PRKG2: variants seen among roughly 807,000 people sequenced by gnomAD.
PRKG2 encodes the protein cGMP-dependent protein kinase 2.
Under a neutral mutation model 97.2 loss-of-function variants are expected in PRKG2, and 33 were observed. The ratio of observed to expected loss-of-function variants is 0.34; its 90% confidence interval spans 0.26 to 0.45. PRKG2 has a LOEUF of 0.45. PRKG2 is among the 20% of genes least tolerant of loss of function. The pLI, the probability that PRKG2 is intolerant of heterozygous loss-of-function variation, is 1.00. For synonymous variants in PRKG2, 330 were observed against 321.8 expected (o/e 1.03, Z -0.27); for missense variants, 638 against 900.0 (o/e 0.71, Z 3.73).
intron 5 of PRKG2, among the ~76,000 whole-genome samples, chr4:81,168,775 T>C (rs1750210604): frequency 6.6e-6 from 1 of 152,106 alleles, no homozygotes; most frequent in Non-Finnish European, 1.5e-5. Context: ...CAATGTTTAT[T>C]GAGCCTACAC....
rs1299323826 is a variant in PRKG2 at position 81,088,951 on chromosome 4, C to T, written c.*757G>A. ...AATATTTTAGCATCATTTAACCACA[C>T]ATTGTAACTATCTTTAACAAGGACT... On this transcript the variant is annotated 3_prime_UTR_variant, in exon 19 of 19. Transcript: ENST00000264399. 1 of 152,206 alleles carries T rather than the reference C, an allele frequency of 6.6e-6. No homozygotes were observed. The highest frequency in any genetic ancestry group is 1.9e-4 in the East Asian group (1 of 5,202). 9.4% of individuals were successfully genotyped at this position (152,206 alleles called of 1,614,324 possible).
At chr4:81,185,871 AAAG>A (rs1751838341) in intron 2 of PRKG2, among the ~76,000 whole-genome samples, 1 of 152,232 alleles carries the variant, frequency 6.6e-6, no homozygotes, top group Non-Finnish European at 1.5e-5. Flanking sequence ...CAAAAAAGAC[AAAG>A]AAGAGCATTA....
At chr4:81,136,847 T>C (rs1406786452) in intron 13 of PRKG2, among the ~76,000 whole-genome samples, 1 of 152,246 alleles carries the variant, frequency 6.6e-6, no homozygotes, top group Non-Finnish European at 1.5e-5. Flanking sequence ...GTAAAGTTTC[T>C]ACTTTTTACT....
In PRKG2 at chr4:81,169,899, A is replaced by G. The variant is rs1211030027; in HGVS notation, c.743-131T>C. ...CTTGGAAAATGTATTATTTAAACAT[A>G]CAAATGAAGGAGACAGAAAAATAAA... On this transcript the variant is annotated intron_variant, in intron 4 of 18. Transcript: ENST00000264399. The G allele has an allele frequency of 9.0e-6, 5 of 556,510 alleles. No homozygotes were observed. The South Asian group carries it at 9.9e-5, about 11-fold the overall frequency. 34.5% of individuals were successfully genotyped at this position (556,510 alleles called of 1,614,324 possible). A position where few individuals can be genotyped will look rare whatever the true frequency, so the allele number is the denominator to read the frequency against.
chr4:81,172,758 T>G (rs1160384360), intron 3 of PRKG2, among the ~76,000 whole-genome samples: 1 of 152,144 alleles, frequency 6.6e-6, no homozygotes, highest in Non-Finnish European at 1.5e-5. Flanking sequence ...TTTTCCTAAT[T>G]CACTGCTAAG....
intron 2 of PRKG2, among the ~76,000 whole-genome samples, chr4:81,190,149 G>C (rs888921925): frequency 1.3e-5 from 2 of 152,122 alleles, no homozygotes; most frequent in African/African-American, 4.8e-5. Context: ...AACAAAACTG[G>C]AGGCATCATG....
In PRKG2 at chr4:81,092,465, AAAGGAAGGAAGGAAGG is replaced by A. The variant is rs59866145; in HGVS notation, c.2127-29_2127-14del. On this transcript the variant is annotated splice_polypyrimidine_tract_variant and intron_variant, in intron 17 of 18. Coordinates refer to ENST00000264399, the MANE Select transcript of PRKG2 (RefSeq NM_006259.3). Reference sequence around the variant, plus strand: ...ACCATTTAACCACCTGAGAAATGAGAAAGGAAGGAAGGAAGGAAGGAAGGAAGGAAGGAAGGAAGGA... The same window carrying A: ...ACCATTTAACCACCTGAGAAATGAGAAAGGAAGGAAGGAAGGAAGGAAGGA... 2.2e-3 allele frequency: 2,058 copies of A among 926,554 alleles called. 9 individuals are homozygous for A. The highest frequency in any genetic ancestry group is 6.1e-3 in the East Asian group (223 of 36,382). 57.4% of individuals were successfully genotyped at this position (926,554 alleles called of 1,614,324 possible).
In PRKG2 at chr4:81,142,999, G is replaced by C. The variant is rs367820766; in HGVS notation, c.1254-52C>G. 3,209 of 1,507,062 alleles carry C rather than the reference G, an allele frequency of 2.1e-3. 9 individuals are homozygous for C. The highest frequency in any genetic ancestry group is 4.1e-3 in the Admixed American group (216 of 53,012). 93.4% of individuals were successfully genotyped at this position (1,507,062 alleles called of 1,614,324 possible). On this transcript the variant is annotated intron_variant, in intron 10 of 18. Coordinates refer to ENST00000264399, the MANE Select transcript of PRKG2 (RefSeq NM_006259.3). The stretch of plus-strand genomic sequence containing the variant: ...CACACACACCCATAATTAAGAAGGT[G>C]TCATGCCATACATAAATTTCACTCC...
At chr4:81,102,491 G>A (rs1742903220) in intron 17 of PRKG2, among the ~76,000 whole-genome samples, 1 of 152,182 alleles carries the variant, frequency 6.6e-6, no homozygotes, top group Non-Finnish European at 1.5e-5. Flanking sequence ...AAGAAATTGT[G>A]ATAACAGCAT....
At chr4:81,181,345 TAATAA>T (rs1751391157) in intron 2 of PRKG2, among the ~76,000 whole-genome samples, 1 of 151,864 alleles carries the variant, frequency 6.6e-6, no homozygotes, top group Non-Finnish European at 1.5e-5. Flanking sequence ...TTGAAATAAA[TAATAA>T]AATATGACAT....
intron 8 of PRKG2, among the ~76,000 whole-genome samples, chr4:81,151,161 C>G (rs866792570): frequency 1.3e-5 from 2 of 151,976 alleles, no homozygotes; most frequent in Non-Finnish European, 1.5e-5. Flanking sequence ...AATACTATTC[C>G]TTTTCCAAAA....
chr4:81,172,957 AC>A (rs1750623588), intron 3 of PRKG2, among the ~76,000 whole-genome samples: 1 of 152,140 alleles, frequency 6.6e-6, no homozygotes, highest in Non-Finnish European at 1.5e-5. Context: ...TAGAGGTTAG[AC>A]ATGCAATTTA....
Position 81,204,916 on chromosome 4 carries a change from G to A in PRKG2, c.132C>T (p.Ile44=). The A allele has an allele frequency of 6.2e-7, 1 of 1,614,154 alleles. No individual in the cohort carries two copies. Among genetic ancestry groups the A allele is most frequent in the Non-Finnish European group, 8.5e-7 (1 of 1,180,036 alleles). Residue 44 remains isoleucine (I), a synonymous_variant, in exon 2 of 19, where the codon ATC becomes ATT. Coordinates refer to ENST00000264399, the MANE Select transcript of PRKG2 (RefSeq NM_006259.3). ...ERELRRKDAE[I]QEREYHLKEL... ...CCTTCAAATGGTACTCCCGCTCCTG[G>A]ATCTCAGCATCCTTCCTCCTCAACT...
At chr4:81,120,529 A>G (rs987455523) in intron 14 of PRKG2, among the ~76,000 whole-genome samples, 1 of 152,140 alleles carries the variant, frequency 6.6e-6, no homozygotes, top group Non-Finnish European at 1.5e-5. Flanking sequence ...TGTTATATTT[A>G]AACCTATTTC....
rs1288387614 is a variant in PRKG2, at chr4:81,173,788, C to G, written c.628+1005G>C. 3 of 151,606 alleles carry G rather than the reference C, an allele frequency of 2.0e-5. No individual in the cohort carries two copies. In the East Asian group the frequency reaches 5.8e-4, roughly 29 times the overall value. 9.4% of individuals were successfully genotyped at this position (151,606 alleles called of 1,614,324 possible). A position where few individuals can be genotyped will look rare whatever the true frequency, so the allele number is the denominator to read the frequency against. On this transcript the variant is annotated intron_variant, in intron 3 of 18. Transcript: ENST00000264399. ...ACAACTTCTGCCTCACACTTAAGGC[C>G]CCAAAGGAACAAGAATAAAAGCAAT...
At chr4:81,136,170 C>T (rs954300439) in intron 13 of PRKG2, among the ~76,000 whole-genome samples, 44 of 152,312 alleles carry the variant, frequency 2.9e-4, no homozygotes, top group African/African-American at 9.9e-4. Context: ...TCCAGGTTCT[C>T]CCCATTCAAA....
intron 15 of PRKG2, 102 bp downstream of exon 15, chr4:81,110,346 T>C (rs1743770701): frequency 7.8e-7 from 1 of 1,281,740 alleles, no homozygotes; most frequent in Non-Finnish European, 1.1e-6. Flanking sequence ...TCGAAAACAT[T>C]TTCAAAATGT....
Position 81,134,708 on chromosome 4 carries a change from C to T in PRKG2, c.1776+447G>A, listed in dbSNP as rs574284611. Among the ~76,000 whole-genome samples the T allele has an allele frequency of 2.6e-5, 4 of 152,242 alleles. No individual in the cohort carries two copies. The South Asian group carries it at 8.3e-4, about 32-fold the overall frequency. On this transcript the variant is annotated intron_variant, in intron 14 of 18. Transcript: ENST00000264399. ...ATGTTAAACCCTGGGGCCCCAGTAT[C>T]ATCACCTCAAAATATTTCAAGAAAA...
intron 8 of PRKG2, 26 bp downstream of exon 8, chr4:81,151,934 G>C (rs767779864): frequency 6.5e-7 from 1 of 1,531,040 alleles, no homozygotes; most frequent in Non-Finnish European, 9.0e-7. Flanking sequence ...TTTATCCAAA[G>C]TATGGCATAT....
Sources: allele counts gnomAD v4.1 joint callset (sites outside exome capture counted in the v4.1 genomes callset), GRCh38; gene constraint gnomAD v4.1.1; transcripts MANE v1.5; gene names NCBI Gene and HGNC (gene_info 2026-07-23, HGNC 2026-07-21).